NUDT3: variants seen among roughly 807,000 people sequenced by gnomAD.
NUDT3 encodes the protein nudix hydrolase 3, also known as diphosphoinositol polyphosphate phosphohydrolase 1.
NUDT3 carries 9 observed loss-of-function variants against 23.6 expected under a neutral mutation model. The ratio of observed to expected loss-of-function variants is 0.38; its 90% CI spans 0.23 to 0.66. The LOEUF is 0.66. Among genes scored for constraint, NUDT3 ranks in the 30% least tolerant of loss-of-function variants. The pLI is 0.52. For missense variants in NUDT3, 172 were observed against 218.5 expected (o/e 0.79, Z 1.34); for synonymous variants, 86 against 82.6 (o/e 1.04, Z -0.22).
chr6:34,337,871 T>C (rs1275181433), intron 2 of NUDT3, among the ~76,000 whole-genome samples: 1 of 152,242 alleles, frequency 6.6e-6, no homozygotes, highest in Non-Finnish European at 1.5e-5. Flanking sequence ...TCAGGTCTTG[T>C]AATAATCTGT....
intron 2 of NUDT3, among the ~76,000 whole-genome samples, chr6:34,310,838 G>A (rs566803106): frequency 1.3e-5 from 2 of 152,116 alleles, no homozygotes; most frequent in Non-Finnish European, 2.9e-5. Context: ...CCCAAGGCTG[G>A]TTCGATGTTC....
At chr6:34,343,135 A>G (rs181316971) in intron 1 of NUDT3, among the ~76,000 whole-genome samples, 28 of 152,326 alleles carry the variant, frequency 1.8e-4, no homozygotes, top group Non-Finnish European at 1.6e-4. Flanking sequence ...TCTTAAACTT[A>G]CAAGTACTAT....
At position 34,360,267 on chromosome 6, in the gene NUDT3, CA is replaced by C. The variant is rs1388993114; in HGVS notation, c.100-18296del. Reference sequence around the variant, plus strand: ...AAAAAAAAAAAAAAAAAGCTAAAAACAAAAACAAAACAAAACAAAACAAACG... The same window carrying C: ...AAAAAAAAAAAAAAAAAGCTAAAAACAAAACAAAACAAAACAAAACAAACG... On this transcript the variant is annotated intron_variant, in intron 1 of 4. Transcript: ENST00000607016. Among the ~76,000 whole-genome samples the C allele has an allele frequency of 5.5e-5, 7 of 126,908 alleles. No homozygotes were observed. The East Asian group carries it at 1.2e-3, about 21-fold the overall frequency. The allele number at this position is 126,908 out of a possible 152,430, so 83.3% of individuals were successfully genotyped here. A position where few individuals can be genotyped will look rare whatever the true frequency, so the allele number is the denominator to read the frequency against.
At chr6:34,356,399 T>C (rs1764562045) in intron 1 of NUDT3, among the ~76,000 whole-genome samples, 1 of 152,202 alleles carries the variant, frequency 6.6e-6, no homozygotes, top group Admixed American at 6.5e-5. Flanking sequence ...TCATTCCTGA[T>C]ACGGCTGATT....
chr6:34,312,781 A>G lies in NUDT3; in HGVS notation c.211-17096T>C, dbSNP rs1763794188. Among the ~76,000 whole-genome samples, 3 of 152,228 alleles carry G rather than the reference A, an allele frequency of 2.0e-5. No homozygotes were observed. In the South Asian group the frequency reaches 6.2e-4, roughly 32 times the overall value. ...AACGTCCGAGTCCACGATGTCCTTC[A>G]GTAGGTGAATGGATAAATAAGGTGT... On this transcript the variant is annotated intron_variant, in intron 2 of 4. Coordinates refer to ENST00000607016, the MANE Select transcript of NUDT3 (RefSeq NM_006703.4).
chr6:34,382,651 A>C (rs750247560), intron 1 of NUDT3, among the ~76,000 whole-genome samples: 1 of 151,862 alleles, frequency 6.6e-6, no homozygotes, highest in Non-Finnish European at 1.5e-5. Context: ...CCTGAGCAAC[A>C]TAGCAAGACC....
intron 2 of NUDT3, among the ~76,000 whole-genome samples, chr6:34,298,117 T>C (rs1424255405): frequency 1.3e-5 from 2 of 152,086 alleles, no homozygotes; most frequent in East Asian, 3.8e-4. Flanking sequence ...ATCCCAGCAC[T>C]TTGGGAGGCC....
intron 1 of NUDT3, among the ~76,000 whole-genome samples, chr6:34,374,494 T>C (rs1347428673): frequency 6.6e-6 from 1 of 152,212 alleles, no homozygotes; most frequent in East Asian, 1.9e-4. Flanking sequence ...TTAGATCACA[T>C]ATCAGTCTGT....
At chr6:34,309,914 G>A (rs1409837747) in intron 2 of NUDT3, among the ~76,000 whole-genome samples, 1 of 152,152 alleles carries the variant, frequency 6.6e-6, no homozygotes, top group African/African-American at 2.4e-5. Context: ...CAATAAGCCT[G>A]TACCTATTAG....
chr6:34,375,829 T>C (rs1380410078), intron 1 of NUDT3, among the ~76,000 whole-genome samples: 4 of 152,222 alleles, frequency 2.6e-5, no homozygotes, highest in Non-Finnish European at 5.9e-5. Flanking sequence ...AATCTGTTGC[T>C]ACATCTCATC....
In NUDT3 at chr6:34,288,651, GA is replaced by G; in HGVS notation, c.*101del. On this transcript the variant is annotated 3_prime_UTR_variant, in exon 5 of 5. Transcript: ENST00000607016. The stretch of plus-strand genomic sequence containing the variant: ...CTTTGCTGCCCACCATGCCTTATTT[GA>G]AAGAGGAGGCCTGTGAGAAGTGGAA... 9 of 1,449,982 alleles carry G rather than the reference GA, an allele frequency of 6.2e-6. No homozygotes were observed. The highest frequency in any genetic ancestry group is 7.4e-6 in the Non-Finnish European group (8 of 1,084,464). The allele number at this position is 1,449,982 out of a possible 1,614,324, so 89.8% of individuals were successfully genotyped here.
At chr6:34,355,358 T>G (rs919109483) in intron 1 of NUDT3, among the ~76,000 whole-genome samples, 4 of 152,068 alleles carry the variant, frequency 2.6e-5, no homozygotes, top group Non-Finnish European at 5.9e-5. Flanking sequence ...AAACCAGCCT[T>G]GTATTTTTGG....
intron 3 of NUDT3, among the ~76,000 whole-genome samples, chr6:34,295,097 GA>G (rs1425918869): frequency 2.6e-5 from 4 of 152,040 alleles, no homozygotes; most frequent in Non-Finnish European, 4.4e-5. Context: ...AGGAGACAAA[GA>G]AAAGTAGGAA....
intron 1 of NUDT3, among the ~76,000 whole-genome samples, chr6:34,343,386 C>CAA (rs571227862): frequency 1.6e-3 from 116 of 71,248 alleles, no homozygotes; most frequent in African/African-American, 3.4e-3. Context: ...CTCGTCTCTA[C>CAA]AAAAAAAAAA....
chr6:34,328,173 G>A (rs1335574437), intron 2 of NUDT3, among the ~76,000 whole-genome samples: 1 of 152,126 alleles, frequency 6.6e-6, no homozygotes, highest in Non-Finnish European at 1.5e-5. Flanking sequence ...CGCCCACAGT[G>A]AACCACCACG....
intron 1 of NUDT3, among the ~76,000 whole-genome samples, chr6:34,347,977 AAAATAAATAAAT>A (rs140070236): frequency 6.6e-6 from 1 of 151,410 alleles, no homozygotes; most frequent in South Asian, 2.1e-4. Context: ...GTCTACCAAA[AAAATAAATAAAT>A]AAATAAATAA....
intron 2 of NUDT3, among the ~76,000 whole-genome samples, chr6:34,323,608 G>A (rs1436398983): frequency 2.0e-5 from 3 of 150,646 alleles, no homozygotes; most frequent in Non-Finnish European, 3.0e-5. Context: ...GAAGAGAAGC[G>A]AAGCGAAGCG....
chr6:34,292,034 T>C (rs1227419023), intron 4 of NUDT3, among the ~76,000 whole-genome samples: 3 of 152,144 alleles, frequency 2.0e-5, no homozygotes, highest in South Asian at 2.1e-4. Flanking sequence ...AAAGGCTTGT[T>C]TGAATATTAA....
intron 1 of NUDT3, among the ~76,000 whole-genome samples, chr6:34,376,552 C>T (rs1764926460): frequency 6.6e-6 from 1 of 152,174 alleles, no homozygotes; most frequent in African/African-American, 2.4e-5. Context: ...GCTGGGATTA[C>T]AGGCGTGAGC....
Sources: gnomAD v4.1 joint callset for allele counts (sites outside exome capture counted in the v4.1 genomes callset) on GRCh38, gnomAD v4.1.1 for gene constraint, MANE v1.5 for transcripts, NCBI Gene and HGNC (gene_info 2026-07-23, HGNC 2026-07-21) for gene names.